Variants in HDGFL3 observed in about 807,000 individuals in gnomAD.
HDGFL3 encodes hepatoma-derived growth factor-related protein 3.
In HDGFL3, 6 loss-of-function variants were observed where a neutral mutation model predicts 27.6. The ratio of observed to expected loss-of-function variants is 0.22; its 90% CI spans 0.12 to 0.43. HDGFL3 has a LOEUF of 0.43. HDGFL3 is among the 20% of genes least tolerant of loss of function. The pLI is 1.00. For synonymous variants in HDGFL3, 88 were observed against 88.9 expected, an observed-to-expected ratio of 0.99 and a Z score of 0.05; for missense variants, 207 against 250.1, an observed-to-expected ratio of 0.83 and a Z score of 1.16.
chr15:83,167,297 T>C (rs950872773), intron 1 of HDGFL3, among the ~76,000 whole-genome samples: 1 of 152,166 alleles, frequency 6.6e-6, no homozygotes. Flanking sequence ...GGCTCACCCC[T>C]GTAATCTCAA....
At chr15:83,140,786 A>C (rs572253129) in intron 5 of HDGFL3, among the ~76,000 whole-genome samples, 72 of 152,272 alleles carry the variant, frequency 4.7e-4, no homozygotes, top group African/African-American at 1.7e-3. Flanking sequence ...CCTGGCCGAA[A>C]CCTTCTTTAA....
chr15:83,187,501 G>A (rs559547378), intron 1 of HDGFL3, among the ~76,000 whole-genome samples: 41 of 152,198 alleles, frequency 2.7e-4, no homozygotes, highest in Admixed American at 1.8e-3. Flanking sequence ...TTTAATGGCC[G>A]CATAATAATA....
At chr15:83,140,713 C>T (rs1405113095) in intron 5 of HDGFL3, among the ~76,000 whole-genome samples, 1 of 152,108 alleles carries the variant, frequency 6.6e-6, no homozygotes, top group Non-Finnish European at 1.5e-5. Context: ...AACTCCTGAC[C>T]TTGTGATCTG....
intron 1 of HDGFL3, among the ~76,000 whole-genome samples, chr15:83,179,001 T>G (rs1217052301): frequency 6.6e-6 from 1 of 152,190 alleles, no homozygotes; most frequent in Non-Finnish European, 1.5e-5. Context: ...TAAAGACCCC[T>G]AGCCAAAAAC....
At chr15:83,142,635 T>C (rs1296730560) in intron 5 of HDGFL3, among the ~76,000 whole-genome samples, 1 of 151,928 alleles carries the variant, frequency 6.6e-6, no homozygotes, top group Non-Finnish European at 1.5e-5. Flanking sequence ...TAATAATAAA[T>C]CTGCACATGT....
At chr15:83,117,593 G>A (rs1023116068) in intron 3 of HDGFL3, among the ~76,000 whole-genome samples, 2 of 152,094 alleles carry the variant, frequency 1.3e-5, no homozygotes, top group East Asian at 1.9e-4. Context: ...GGCGGCTGAC[G>A]AGAGGGCTGG....
At chr15:83,186,795 T>C (rs1279677311) in intron 1 of HDGFL3, among the ~76,000 whole-genome samples, 1 of 152,158 alleles carries the variant, frequency 6.6e-6, no homozygotes, top group African/African-American at 2.4e-5. Flanking sequence ...CATACTCAGG[T>C]GATGGTGCAC....
At chr15:83,203,773 CAT>C (rs1279493106) in intron 1 of HDGFL3, among the ~76,000 whole-genome samples, 1 of 151,072 alleles carries the variant, frequency 6.6e-6, no homozygotes, top group Non-Finnish European at 1.5e-5. Flanking sequence ...TTGTTTTCAT[CAT>C]GTCATCCCTT....
At chr15:83,185,479 G>C (rs2037431250) in intron 1 of HDGFL3, among the ~76,000 whole-genome samples, 1 of 152,318 alleles carries the variant, frequency 6.6e-6, no homozygotes, top group South Asian at 2.1e-4. Context: ...CACTCTCAGA[G>C]TTTCTTGTGG....
chr15:83,113,937 G>T (rs2151339032), exon 4 of HDGFL3: 1 of 152,368 alleles, frequency 6.6e-6, no homozygotes, highest in East Asian at 1.9e-4. Context: ...GGAAAGGTGG[G>T]GTGGGAAGGA....
chr15:83,157,640 G>T lies in HDGFL3; in HGVS notation c.301-67C>A, dbSNP rs1344760323. On this transcript the variant is annotated intron_variant, in intron 3 of 5. Coordinates refer to ENST00000299633, the MANE Select transcript of HDGFL3 (RefSeq NM_016073.4). ...AATAGCAAAGAACAAACACTGAAAA[G>T]AACTACTCTGTTTTCATTTGAAAGG... 2.9e-6 allele frequency: 4 copies of T among 1,385,596 alleles called. No individual in the cohort carries two copies. The Admixed American group carries it at 7.9e-5, about 27-fold the overall frequency. 85.8% of individuals were successfully genotyped at this position (1,385,596 alleles called of 1,614,324 possible).
chr15:83,202,889 T>C (rs886292438), intron 1 of HDGFL3, among the ~76,000 whole-genome samples: 1 of 152,102 alleles, frequency 6.6e-6, no homozygotes, highest in African/African-American at 2.4e-5. Flanking sequence ...TACTACAAAT[T>C]TGTTTACTCA....
chr15:83,180,413 T>C (rs926457031), intron 1 of HDGFL3, among the ~76,000 whole-genome samples: 1 of 152,076 alleles, frequency 6.6e-6, no homozygotes, highest in African/African-American at 2.4e-5. Flanking sequence ...ACATTTTAGC[T>C]ATTAAAAAGT....
At chr15:83,116,529 A>G (rs1305620446) in intron 3 of HDGFL3, among the ~76,000 whole-genome samples, 1 of 152,230 alleles carries the variant, frequency 6.6e-6, no homozygotes, top group Non-Finnish European at 1.5e-5. Context: ...TTCTTCATCC[A>G]TGTTCAGATA....
At chr15:83,144,660 T>C (rs2036855319) in intron 5 of HDGFL3, 2 of 388,654 alleles carry the variant, frequency 5.1e-6, no homozygotes, top group South Asian at 1.9e-5. Context: ...CAGGAACAAT[T>C]TGAGTGATCT....
At chr15:83,145,896 CCTTTTTTTTT>C (rs2036882975) in intron 5 of HDGFL3, among the ~76,000 whole-genome samples, 4 of 98,988 alleles carry the variant, frequency 4.0e-5, no homozygotes, top group African/African-American at 1.5e-4. Flanking sequence ...CTTTCTTCTT[CCTTTTTTTTT>C]TTTTTTTTTT....
intron 5 of HDGFL3, among the ~76,000 whole-genome samples, chr15:83,145,899 T>TC (rs2036883872): frequency 3.2e-4 from 1 of 3,142 alleles, no homozygotes; most frequent in Non-Finnish European, 5.4e-4. Context: ...TCTTCTTCCT[T>TC]TTTTTTTTTT....
intron 5 of HDGFL3, among the ~76,000 whole-genome samples, chr15:83,148,971 CA>C (rs1256962973): frequency 6.6e-6 from 1 of 152,080 alleles, no homozygotes; most frequent in East Asian, 1.9e-4. Flanking sequence ...TAAATAGATA[CA>C]AGTTAATTGT....
intron 1 of HDGFL3, among the ~76,000 whole-genome samples, chr15:83,171,418 G>T: frequency 6.6e-6 from 1 of 151,982 alleles, no homozygotes; most frequent in East Asian, 1.9e-4. Context: ...AAAACAAATT[G>T]TTCTACCAAA....
Sources: gnomAD v4.1 joint callset for allele counts (sites outside exome capture counted in the v4.1 genomes callset) on GRCh38, gnomAD v4.1.1 for gene constraint, MANE v1.5 for transcripts, NCBI Gene and HGNC (gene_info 2026-07-23, HGNC 2026-07-21) for gene names.